ARHGAP15: variants seen among roughly 807,000 people sequenced by gnomAD.
The protein encoded by ARHGAP15 is Rho GTPase activating protein 15.
In ARHGAP15, 51 loss-of-function variants were observed where a neutral mutation model predicts 63.7. The ratio of observed to expected loss-of-function variants is 0.80; its 90% CI spans 0.64 to 1.01. The LOEUF (loss-of-function observed/expected upper bound fraction) is 1.01, where lower values mean the gene tolerates loss of function less well. Among genes scored for constraint, ARHGAP15 ranks in the 50% least tolerant of loss-of-function variants. The probability of loss-of-function intolerance (pLI) is 0.00; values close to 1 mark genes in which losing one functional copy is unlikely to be tolerated. For missense variants in ARHGAP15, 560 were observed against 564.6 expected (o/e 0.99, Z 0.08); for synonymous variants, 191 against 193.8 (o/e 0.99, Z 0.12).
intron 13 of ARHGAP15, among the ~76,000 whole-genome samples, chr2:143,738,533 G>C (rs555451964): frequency 2.6e-5 from 4 of 152,234 alleles, no homozygotes; most frequent in East Asian, 3.9e-4. Flanking sequence ...GCCTCTCTTC[G>C]AACATCATGG....
At chr2:143,410,082 A>T (rs1688380955) in intron 6 of ARHGAP15, among the ~76,000 whole-genome samples, 1 of 152,160 alleles carries the variant, frequency 6.6e-6, no homozygotes, top group Non-Finnish European at 1.5e-5. Flanking sequence ...ATCTTTCTGA[A>T]ACCAGTGTTG....
In ARHGAP15 at chr2:143,549,198, C is replaced by A. The variant is rs537965187; in HGVS notation, c.926-7210C>A. On this transcript the variant is annotated intron_variant, in intron 10 of 13. Transcript: ENST00000295095. ...ACTTCTGTTTTCAGTTTTTAAAGTT[C>A]TTTTTTATGAAAAACAATGTAGGCC... is the stretch of plus-strand genomic sequence containing the variant. Among the ~76,000 whole-genome samples, 37 of 152,164 alleles carry A rather than the reference C, an allele frequency of 2.4e-4. 2 individuals carry two copies. The South Asian group carries it at 7.0e-3, about 29-fold the overall frequency.
At chr2:143,550,398 C>T (rs1695502941) in intron 10 of ARHGAP15, among the ~76,000 whole-genome samples, 1 of 152,136 alleles carries the variant, frequency 6.6e-6, no homozygotes. Flanking sequence ...ACTTCTTAAA[C>T]TTCAATCCAA....
chr2:143,544,888 C>T (rs1043155914), intron 10 of ARHGAP15, among the ~76,000 whole-genome samples: 20 of 152,174 alleles, frequency 1.3e-4, no homozygotes, highest in African/African-American at 4.8e-4. Context: ...GCAGTTTCTC[C>T]TGTACTCTCA....
intron 6 of ARHGAP15, among the ~76,000 whole-genome samples, chr2:143,375,663 G>A (rs1321506705): frequency 6.6e-6 from 1 of 152,142 alleles, no homozygotes; most frequent in Non-Finnish European, 1.5e-5. Flanking sequence ...GAAAGTTGAA[G>A]ATCCTGTTGC....
intron 6 of ARHGAP15, among the ~76,000 whole-genome samples, chr2:143,361,942 C>G (rs993340376): frequency 6.6e-6 from 1 of 152,176 alleles, no homozygotes. Context: ...TTTCAAAGTT[C>G]TCCGTGATCT....
intron 6 of ARHGAP15, among the ~76,000 whole-genome samples, chr2:143,361,867 G>C (rs577850672): frequency 6.6e-6 from 1 of 152,144 alleles, no homozygotes; most frequent in Non-Finnish European, 1.5e-5. Flanking sequence ...GTTGTTCACT[G>C]TTAATAATTT....
At chr2:143,323,236 G>T (rs1484036997) in intron 6 of ARHGAP15, among the ~76,000 whole-genome samples, 1 of 152,214 alleles carries the variant, frequency 6.6e-6, no homozygotes, top group Non-Finnish European at 1.5e-5. Flanking sequence ...GTAATGCTGA[G>T]ATTTGGGCTT....
At chr2:143,208,466 T>C (rs1018829685) in intron 3 of ARHGAP15, among the ~76,000 whole-genome samples, 1 of 152,202 alleles carries the variant, frequency 6.6e-6, no homozygotes, top group Non-Finnish European at 1.5e-5. Flanking sequence ...CATTTATTTC[T>C]TTTGAATATT....
intron 3 of ARHGAP15, among the ~76,000 whole-genome samples, chr2:143,202,480 G>A (rs1692159361): frequency 6.6e-6 from 1 of 152,026 alleles, no homozygotes; most frequent in African/African-American, 2.4e-5. Context: ...AGGAATGTTG[G>A]CCAAAGGCTG....
At chr2:143,574,171 C>T (rs6430035) in intron 11 of ARHGAP15, among the ~76,000 whole-genome samples, 34,288 of 151,938 alleles carry the variant, frequency 0.23, 3,924 homozygotes, top group East Asian at 0.37. Flanking sequence ...CTGACACTCA[C>T]TCACACACAT....
chr2:143,625,129 G>C (rs1490492949), intron 12 of ARHGAP15, among the ~76,000 whole-genome samples: 1 of 151,880 alleles, frequency 6.6e-6, no homozygotes, highest in Non-Finnish European at 1.5e-5. Context: ...GGAAGAAAAA[G>C]AAAGAAGAAA....
chr2:143,603,012 A>G (rs1697836232), intron 11 of ARHGAP15, among the ~76,000 whole-genome samples: 1 of 152,178 alleles, frequency 6.6e-6, no homozygotes, highest in Non-Finnish European at 1.5e-5. Flanking sequence ...TAAAATACTT[A>G]TTTAAACAGG....
At chr2:143,659,445 G>A (rs1411174403) in intron 12 of ARHGAP15, among the ~76,000 whole-genome samples, 3 of 152,094 alleles carry the variant, frequency 2.0e-5, no homozygotes, top group Non-Finnish European at 4.4e-5. Context: ...AAAGTGAGGA[G>A]CTTATGGTAG....
At chr2:143,663,446 A>G (rs1450365005) in intron 12 of ARHGAP15, among the ~76,000 whole-genome samples, 1 of 144,384 alleles carries the variant, frequency 6.9e-6, no homozygotes, top group African/African-American at 2.5e-5. Context: ...AACCGGTACC[A>G]GCCGCTGCAA....
chr2:143,476,738 A>G (rs1415803937), intron 8 of ARHGAP15, among the ~76,000 whole-genome samples: 1 of 152,178 alleles, frequency 6.6e-6, no homozygotes, highest in African/African-American at 2.4e-5. Context: ...TCTGCAAGGA[A>G]TCAATATTTT....
At chr2:143,687,834 C>T in intron 12 of ARHGAP15, among the ~76,000 whole-genome samples, 1 of 152,264 alleles carries the variant, frequency 6.6e-6, no homozygotes, top group South Asian at 2.1e-4. Context: ...AGAATCCATA[C>T]TCCTATTATT....
chr2:143,253,718 T>G (rs1680278006), intron 6 of ARHGAP15, among the ~76,000 whole-genome samples: 1 of 146,540 alleles, frequency 6.8e-6, no homozygotes, highest in South Asian at 2.2e-4. Context: ...AATATATACA[T>G]GAATATACAT....
chr2:143,575,058 G>A (rs139408100), intron 11 of ARHGAP15, among the ~76,000 whole-genome samples: 6 of 151,940 alleles, frequency 3.9e-5, no homozygotes, highest in Admixed American at 6.6e-5. Context: ...GCTAATATCC[G>A]ATCACTAATA....
Sources: gnomAD v4.1 joint callset for allele counts (sites outside exome capture counted in the v4.1 genomes callset) on GRCh38, gnomAD v4.1.1 for gene constraint, MANE v1.5 for transcripts, NCBI Gene and HGNC (gene_info 2026-07-23, HGNC 2026-07-21) for gene names.